Variants in LHPP observed in about 807,000 individuals in gnomAD.
LHPP encodes phospholysine phosphohistidine inorganic pyrophosphate phosphatase.
In LHPP, 24 loss-of-function variants were observed where a neutral mutation model predicts 30.3. That is an observed-to-expected ratio of 0.79 (90% confidence interval 0.57 to 1.11). The LOEUF (loss-of-function observed/expected upper bound fraction) is 1.11, where lower values mean the gene tolerates loss of function less well. LHPP is among the 50% of genes most tolerant of loss of function. LHPP has a pLI of 0.00. For synonymous variants in LHPP, 150 were observed against 157.1 expected, an observed-to-expected ratio of 0.95 and a Z score of 0.34; for missense variants, 356 against 367.2, an observed-to-expected ratio of 0.97 and a Z score of 0.25.
intron 6 of LHPP, among the ~76,000 whole-genome samples, chr10:124,518,657 T>C (rs1954527258): frequency 6.6e-6 from 1 of 152,222 alleles, no homozygotes; most frequent in African/African-American, 2.4e-5. Context: ...ACTGGGCTTC[T>C]TCCAGTTCCT....
intron 6 of LHPP, among the ~76,000 whole-genome samples, chr10:124,606,509 AG>A (rs1949094842): frequency 6.6e-6 from 1 of 152,162 alleles, no homozygotes; most frequent in Admixed American, 6.5e-5. Flanking sequence ...GGCCAGCGCC[AG>A]GGTGAGCTGC....
chr10:124,527,102 C>G (rs1278784376), intron 6 of LHPP, among the ~76,000 whole-genome samples: 2 of 152,252 alleles, frequency 1.3e-5, no homozygotes, highest in Non-Finnish European at 2.9e-5. Flanking sequence ...CCTGAGCCCT[C>G]TCGCTGCCCA....
rs142589216 is a variant in LHPP, at chr10:124,603,168, C to T, written c.717-10096C>T. On this transcript the variant is annotated intron_variant, in intron 6 of 6. Coordinates refer to ENST00000368842, the MANE Select transcript of LHPP (RefSeq NM_022126.4). Reference sequence around the variant, plus strand: ...GCAGCCTAGCTGGACACCTGCAGTGCGCTCATGCCCAGCCTCTGTGGGTGT... The same window carrying T: ...GCAGCCTAGCTGGACACCTGCAGTGTGCTCATGCCCAGCCTCTGTGGGTGT... 8.5e-5 allele frequency among the ~76,000 whole-genome samples: 13 copies of T among 152,338 alleles called. No homozygotes were observed. The East Asian group carries it at 1.2e-3, about 14-fold the overall frequency.
chr10:124,536,276 TC>T (rs1170089936), intron 6 of LHPP, among the ~76,000 whole-genome samples: 2 of 152,192 alleles, frequency 1.3e-5, no homozygotes, highest in Admixed American at 6.5e-5. Flanking sequence ...TGGAAGTCAG[TC>T]CTTGTTTTGT....
In LHPP at chr10:124,498,062, G is replaced by A; in HGVS notation, c.558G>A (p.Val186=). 1 of 1,614,168 alleles carries A rather than the reference G, an allele frequency of 6.2e-7. No individual in the cohort carries two copies. The highest frequency in any genetic ancestry group is 1.1e-5 in the South Asian group (1 of 91,086). Reference sequence around the variant, plus strand: ...ATGCCTGTGGCATCAAAGCCGAGGTGGTGGGGAAGCCTTCTCCTGAGTTTT... The same window carrying A: ...ATGCCTGTGGCATCAAAGCCGAGGTAGTGGGGAAGCCTTCTCCTGAGTTTT... ...LEYACGIKAE[V]VGKPSPEFFK... is the part of the protein sequence containing the mutation. The change falls in exon 5 of 7, where the codon GTG becomes GTA. Residue 186 remains valine (V), a synonymous_variant. Coordinates refer to ENST00000368842, the MANE Select transcript of LHPP (RefSeq NM_022126.4).
intron 6 of LHPP, chr10:124,612,993 T>C: frequency 1.9e-6 from 1 of 525,998 alleles, no homozygotes; most frequent in Non-Finnish European, 3.4e-6. Flanking sequence ...CTGGGCCGGC[T>C]GTCACTCCAC....
intron 6 of LHPP, among the ~76,000 whole-genome samples, chr10:124,571,138 G>A (rs866755550): frequency 1.3e-5 from 2 of 152,220 alleles, no homozygotes; most frequent in South Asian, 2.1e-4. Context: ...CCCCAGTCAC[G>A]TGGAACTGTA....
chr10:124,554,057 A>G, intron 6 of LHPP: 1 of 985,460 alleles, frequency 1.0e-6, no homozygotes, highest in Non-Finnish European at 1.2e-6. Context: ...TCGAGCCTGT[A>G]GTTGCGGGGC....
chr10:124,540,377 T>C (rs576660295), intron 6 of LHPP, among the ~76,000 whole-genome samples: 1 of 152,286 alleles, frequency 6.6e-6, no homozygotes, highest in African/African-American at 2.4e-5. Flanking sequence ...CCCGCTTTGC[T>C]TCGTGGCCAG....
chr10:124,468,500 T>C (rs1171696316), intron 1 of LHPP, among the ~76,000 whole-genome samples: 1 of 152,162 alleles, frequency 6.6e-6, no homozygotes, highest in Non-Finnish European at 1.5e-5. Flanking sequence ...GCAGAACCGA[T>C]GGCCTGGTCT....
chr10:124,541,863 A>G lies in LHPP; in HGVS notation c.716+24592A>G, dbSNP rs1214984590. 6.6e-6 allele frequency among the ~76,000 whole-genome samples: 1 copy of G among 151,982 alleles called. No homozygotes were observed. Among genetic ancestry groups the G allele is most frequent in the East Asian group, 1.9e-4 (1 of 5,178 alleles). ...ATGGGGTGACCTTTCCTTCACCCCT[A>G]CTTCCCCACTGCAAGGGTGCTGCCT... On this transcript the variant is annotated intron_variant, in intron 6 of 6. Coordinates refer to ENST00000368842, the MANE Select transcript of LHPP (RefSeq NM_022126.4). This position sits in a 1 kb window ranked among gnomAD's most constrained non-coding sequence, Gnocchi z 4.2.
intron 6 of LHPP, among the ~76,000 whole-genome samples, chr10:124,609,838 C>T (rs984188467): frequency 2.0e-5 from 3 of 152,198 alleles, no homozygotes; most frequent in Non-Finnish European, 4.4e-5. Flanking sequence ...CAGATTGAGC[C>T]GTTGTGGAGT....
intron 1 of LHPP, among the ~76,000 whole-genome samples, chr10:124,479,603 TTG>T (rs1953064095): frequency 6.6e-6 from 1 of 152,176 alleles, no homozygotes; most frequent in African/African-American, 2.4e-5. Flanking sequence ...TTTTCTGGGC[TTG>T]TAAGCAGGTG....
intron 6 of LHPP, among the ~76,000 whole-genome samples, chr10:124,589,595 T>C (rs1948850524): frequency 6.6e-6 from 1 of 152,222 alleles, no homozygotes; most frequent in Non-Finnish European, 1.5e-5. Flanking sequence ...TCAGGCTCAG[T>C]GCACAGGTCC....
rs1953719115 is a variant in LHPP at position 124,496,673 on chromosome 10, G to A, written c.468-288G>A. 1.3e-5 allele frequency among the ~76,000 whole-genome samples: 2 copies of A among 152,220 alleles called. No homozygotes were observed. The highest frequency in any genetic ancestry group is 2.9e-5 in the Non-Finnish European group (2 of 68,036). On this transcript the variant is annotated intron_variant, in intron 3 of 6. Coordinates refer to ENST00000368842, the MANE Select transcript of LHPP (RefSeq NM_022126.4). This position sits in a 1 kb window ranked among gnomAD's most constrained non-coding sequence, Gnocchi z 4.3. ...CCTTCTGGGTCCCCTGTTAATCATT[G>A]CAGCAGGGTCCCCACGAGTCTGACA...
chr10:124,521,188 C>G (rs1277687146), intron 6 of LHPP, among the ~76,000 whole-genome samples: 1 of 152,218 alleles, frequency 6.6e-6, no homozygotes, highest in African/African-American at 2.4e-5. Context: ...CTGGAATTGC[C>G]TGCGTGGTGC....
intron 6 of LHPP, among the ~76,000 whole-genome samples, chr10:124,602,481 C>A (rs9783260): frequency 6.6e-6 from 1 of 152,182 alleles, no homozygotes; most frequent in Non-Finnish European, 1.5e-5. Flanking sequence ...TTGTGGGCAG[C>A]AGGCAGGCCT....
chr10:124,464,376 G>A (rs1021267320), intron 1 of LHPP, among the ~76,000 whole-genome samples: 1 of 152,198 alleles, frequency 6.6e-6, no homozygotes, highest in African/African-American at 2.4e-5. Flanking sequence ...CTACCAATCT[G>A]CATGTCTGAT....
chr10:124,520,449 TC>T (rs575775354), intron 6 of LHPP, among the ~76,000 whole-genome samples: 3 of 152,146 alleles, frequency 2.0e-5, no homozygotes, highest in African/African-American at 7.2e-5. Flanking sequence ...TCCATATCCA[TC>T]CGTATCCATG....
Sources: gnomAD v4.1 joint callset for allele counts (sites outside exome capture counted in the v4.1 genomes callset) on GRCh38, gnomAD v4.1.1 for gene constraint, Gnocchi (gnomAD v3.1) non-coding constraint, MANE v1.5 for transcripts, NCBI Gene and HGNC (gene_info 2026-07-23, HGNC 2026-07-21) for gene names.